Variants in CPLANE1 observed in about 807,000 individuals in gnomAD.
CPLANE1 encodes ciliogenesis and planar polarity effector 1.
CPLANE1 carries 263 observed loss-of-function variants against 362.5 expected under a neutral mutation model. The observed-to-expected ratio is 0.73, with a 90% CI of 0.66 to 0.80. CPLANE1 has a LOEUF of 0.80. CPLANE1 is among the 30% of genes least tolerant of loss of function. CPLANE1 has a pLI of 0.00. For missense variants in CPLANE1, 3,461 were observed against 3,793.4 expected, an observed-to-expected ratio of 0.91 and a Z score of 2.30; for synonymous variants, 1,212 against 1,302.6, an observed-to-expected ratio of 0.93 and a Z score of 1.50.
At chr5:37,231,150 A>C (rs1797642274) in intron 8 of CPLANE1, 101 bp from the exon 9 acceptor site, 2 of 736,280 alleles carry the variant, frequency 2.7e-6, no homozygotes, top group Admixed American at 4.2e-5. Context: ...AGTTCAAAAA[A>C]TGAGGGCAAA....
chr5:37,101,971 T>C (rs962968956), downstream of CPLANE1, among the ~76,000 whole-genome samples: 1 of 152,004 alleles, frequency 6.6e-6, no homozygotes, highest in Non-Finnish European at 1.5e-5. Context: ...TCTGATTGTA[T>C]CTGGTTCTTC....
intron 21 of CPLANE1, among the ~76,000 whole-genome samples, chr5:37,194,389 G>A (rs988283194): frequency 6.6e-6 from 1 of 152,176 alleles, no homozygotes; most frequent in Non-Finnish European, 1.5e-5. Context: ...CTATTTATGA[G>A]CAAATATCTT....
intron 20 of CPLANE1, among the ~76,000 whole-genome samples, chr5:37,197,642 T>G (rs1031168479): frequency 2.6e-5 from 4 of 152,212 alleles, no homozygotes; most frequent in African/African-American, 9.6e-5. Flanking sequence ...TATTTTAAGC[T>G]GCTAAATTTG....
At chr5:37,245,899 T>TA in intron 2 of CPLANE1, 54 bp from the exon 3 acceptor site, 6 of 1,407,352 alleles carry the variant, frequency 4.3e-6, no homozygotes, top group Non-Finnish European at 4.7e-6. Context: ...TAATTCAACT[T>TA]ACTGCCTAAA....
intron 46 of CPLANE1, among the ~76,000 whole-genome samples, chr5:37,135,568 C>G (rs2150314506): frequency 6.6e-6 from 1 of 152,228 alleles, no homozygotes; most frequent in African/African-American, 2.4e-5. Flanking sequence ...GGTGCAGTGG[C>G]TCACACCTGT....
Position 37,169,284 on chromosome 5 carries a change from G to A in CPLANE1, c.6740C>T (p.Pro2247Leu). The change falls in exon 34 of 53, where the codon CCA becomes CTA. Residue 2247 changes from proline (P) to leucine (L), a missense_variant. Pro to Leu is a moderately conservative substitution (Grantham distance 98, BLOSUM62 -3). Transcript: ENST00000651892. ...TGGCAAAGGCCTGAAGGGAACTTGT[G>A]GAATACTTCCTGTATGTAAGAAAAG... ...QPLFLHTGSI[P>L]QVPFRPLPQP... 6.2e-7 allele frequency: 1 copy of A among 1,614,076 alleles called. No individual in the cohort carries two copies. The highest frequency in any genetic ancestry group is 1.3e-5 in the African/African-American group (1 of 75,006).
At position 37,153,809 on chromosome 5, in the gene CPLANE1, T is replaced by C. The variant is rs1774251837; in HGVS notation, c.8304A>G (p.Ile2768Met). The C allele has an allele frequency of 6.2e-7, 1 of 1,613,996 alleles. No homozygotes were observed. The highest frequency in any genetic ancestry group is 8.5e-7 in the Non-Finnish European group (1 of 1,179,872). The change falls in exon 42 of 53, where the codon ATA (isoleucine) becomes ATG (methionine). Residue 2768 changes from isoleucine to methionine, a missense_variant. Physicochemically the swap from Ile to Met is conservative, Grantham distance 10 (BLOSUM62 1). Coordinates refer to ENST00000651892, the MANE Select transcript of CPLANE1 (RefSeq NM_001384732.1). Reference sequence around the variant, plus strand: ...GTTCTATGTTTTCAGCAATGTTCTGTATTGCTAGCAACTGCTCGTCAATTT... The same window carrying C: ...GTTCTATGTTTTCAGCAATGTTCTGCATTGCTAGCAACTGCTCGTCAATTT... ...LQKIDEQLLA[I>M]QNIAENIEQD...
the CPLANE1 span, among the ~76,000 whole-genome samples, chr5:37,099,513 T>G: frequency 6.6e-6 from 1 of 152,220 alleles, no homozygotes; most frequent in Non-Finnish European, 1.5e-5. Flanking sequence ...ATGGTGTATA[T>G]GTACTACATT....
chr5:37,080,356 A>T, the CPLANE1 span, among the ~76,000 whole-genome samples: 1 of 152,136 alleles, frequency 6.6e-6, no homozygotes, highest in Admixed American at 6.5e-5. Context: ...GCGGGGAGAG[A>T]TCAGAGTTCT....
intron 16 of CPLANE1, among the ~76,000 whole-genome samples, chr5:37,208,683 C>G (rs552185523): frequency 0.02 from 2,396 of 120,248 alleles, 54 homozygotes; most frequent in South Asian, 0.099. Context: ...TCTCCCCCCC[C>G]CCCCAAAAAA....
intron 15 of CPLANE1, among the ~76,000 whole-genome samples, chr5:37,218,024 T>C (rs1794522017): frequency 6.6e-6 from 1 of 152,006 alleles, no homozygotes; most frequent in Non-Finnish European, 1.5e-5. Context: ...CCCTATTTAA[T>C]AAAAATTAAA....
chr5:37,094,359 C>A, the CPLANE1 span, among the ~76,000 whole-genome samples: 4 of 152,258 alleles, frequency 2.6e-5, no homozygotes, highest in African/African-American at 9.6e-5. Flanking sequence ...GAAATCAAGA[C>A]TGAAATTAAA....
chr5:37,087,284 G>T, the CPLANE1 span, among the ~76,000 whole-genome samples: 1 of 152,086 alleles, frequency 6.6e-6, no homozygotes, highest in East Asian at 1.9e-4. Flanking sequence ...GACAGCTTTG[G>T]TCCCATTATA....
chr5:37,173,965 A>C lies in CPLANE1; in HGVS notation c.5979-18T>G, dbSNP rs752074741. The stretch of plus-strand genomic sequence containing the variant: ...TCTGTGCACTGCGTGGAAAGCATTT[A>C]AATAAAAAACATGCATTAAAATTGA... On this transcript the variant is annotated intron_variant, in intron 31 of 52. Transcript: ENST00000651892. 26 of 1,595,190 alleles carry C rather than the reference A, an allele frequency of 1.6e-5. No homozygotes were observed. The highest frequency in any genetic ancestry group is 2.1e-5 in the Non-Finnish European group (25 of 1,167,694).
chr5:37,228,979 T>G (rs1296292428), intron 9 of CPLANE1, among the ~76,000 whole-genome samples: 3 of 152,278 alleles, frequency 2.0e-5, no homozygotes, highest in Admixed American at 6.5e-5. Context: ...TTGTCATTTT[T>G]GGGAGGCTGA....
At chr5:37,228,563 G>A (rs1366087729) in intron 9 of CPLANE1, among the ~76,000 whole-genome samples, 4 of 152,028 alleles carry the variant, frequency 2.6e-5, no homozygotes, top group African/African-American at 4.8e-5. Context: ...AAGATATACT[G>A]TGAAATCAAA....
Position 37,153,803 on chromosome 5 carries a change from G to C in CPLANE1, c.8310C>G (p.Asn2770Lys), listed in dbSNP as rs1393176165. Residue 2770 changes from asparagine to lysine, a missense_variant, in exon 42 of 53, where the codon AAC becomes AAG. Coordinates refer to ENST00000651892, the MANE Select transcript of CPLANE1 (RefSeq NM_001384732.1). ...AATCCTGTTCTATGTTTTCAGCAAT[G>C]TTCTGTATTGCTAGCAACTGCTCGT... ...KIDEQLLAIQNIAENIEQDFP... is the reference protein window; with the variant it reads ...KIDEQLLAIQKIAENIEQDFP... 6 of 1,613,860 alleles carry C rather than the reference G, an allele frequency of 3.7e-6. No individual in the cohort carries two copies. Among genetic ancestry groups the C allele is most frequent in the Non-Finnish European group, 5.1e-6 (6 of 1,179,786 alleles).
intron 9 of CPLANE1, among the ~76,000 whole-genome samples, chr5:37,230,162 C>T (rs1476576907): frequency 2.1e-5 from 3 of 144,634 alleles, no homozygotes; most frequent in African/African-American, 5.1e-5. Context: ...GCAACAAGAG[C>T]GAAACTCCGT....
intron 16 of CPLANE1, chr5:37,211,697 G>A (rs960548685): frequency 1.3e-4 from 100 of 782,810 alleles, no homozygotes; most frequent in Middle Eastern, 2.3e-4. Flanking sequence ...CACCCGCTGA[G>A]TCTAGGCACA....
Sources: gnomAD v4.1 joint callset for allele counts (sites outside exome capture counted in the v4.1 genomes callset) on GRCh38, gnomAD v4.1.1 for gene constraint, MANE v1.5 for transcripts, NCBI Gene and HGNC (gene_info 2026-07-23, HGNC 2026-07-21) for gene names.